Variants in PTPN14 observed in about 807,000 individuals in gnomAD.
The protein encoded by PTPN14 is protein tyrosine phosphatase non-receptor type 14, also known as tyrosine-protein phosphatase non-receptor type 14.
Under a neutral mutation model 126.8 loss-of-function variants are expected in PTPN14, and 53 were observed. The ratio of observed to expected loss-of-function variants is 0.42; its 90% CI spans 0.34 to 0.53. The LOEUF is 0.53. PTPN14 is among the 20% of genes least tolerant of loss of function. The pLI is 0.08. For synonymous variants in PTPN14, 630 were observed against 599.3 expected, an observed-to-expected ratio of 1.05 and a Z score of -0.75; for missense variants, 1,257 against 1,552.9, an observed-to-expected ratio of 0.81 and a Z score of 3.20.
At chr1:214,398,724 T>A (rs1658946608) in intron 7 of PTPN14, among the ~76,000 whole-genome samples, 1 of 150,330 alleles carries the variant, frequency 6.7e-6, no homozygotes, top group Non-Finnish European at 1.5e-5. Flanking sequence ...TGAGCCACTG[T>A]GCCCGGCAAC....
intron 1 of PTPN14, among the ~76,000 whole-genome samples, chr1:214,536,536 G>T (rs1655713081): frequency 6.6e-6 from 1 of 152,066 alleles, no homozygotes; most frequent in Non-Finnish European, 1.5e-5. Context: ...TATAATCCCA[G>T]CACTTTGGGA....
rs1656115106 is a variant in PTPN14 at position 214,551,557 on chromosome 1, G to A, written c.-529C>T. 6.6e-6 allele frequency: 1 copy of A among 152,386 alleles called. No homozygotes were observed. Among genetic ancestry groups the A allele is most frequent in the Non-Finnish European group, 1.5e-5 (1 of 68,202 alleles). The allele number at this position is 152,386 out of a possible 1,614,324, so 9.4% of individuals were successfully genotyped here. On this transcript the variant is annotated 5_prime_UTR_variant, in exon 1 of 19. Transcript: ENST00000366956. ...CGGAGAAGCACAGCAACCTGCCCCC[G>A]AGTCTGCGCCCGCTGCGCTCACTCC... is the stretch of plus-strand genomic sequence containing the variant.
chr1:214,362,986 C>T (rs540548550), intron 18 of PTPN14, among the ~76,000 whole-genome samples: 1 of 152,264 alleles, frequency 6.6e-6, no homozygotes, highest in East Asian at 1.9e-4. Flanking sequence ...TTTTGTCTTC[C>T]TAGCAATGGA....
intron 2 of PTPN14, among the ~76,000 whole-genome samples, chr1:214,456,554 G>A (rs1350691135): frequency 2.0e-5 from 3 of 152,100 alleles, no homozygotes; most frequent in Non-Finnish European, 4.4e-5. Flanking sequence ...ATTAACAACT[G>A]CACCCTCTTC....
intron 17 of PTPN14, among the ~76,000 whole-genome samples, chr1:214,366,044 A>G (rs2102512634): frequency 6.6e-6 from 1 of 152,258 alleles, no homozygotes; most frequent in Admixed American, 6.5e-5. Context: ...ACGAGCCTGT[A>G]ATCCCAGCTA....
At chr1:214,435,361 A>G (rs4655345) in intron 3 of PTPN14, among the ~76,000 whole-genome samples, 67,756 of 151,946 alleles carry the variant, frequency 0.45, 15,468 homozygotes, top group African/African-American at 0.53. Flanking sequence ...AAAGCTTTAA[A>G]TGAAGTTCTA....
intron 18 of PTPN14, among the ~76,000 whole-genome samples, chr1:214,362,021 A>T (rs771506271): frequency 1.3e-5 from 2 of 152,266 alleles, no homozygotes; most frequent in Non-Finnish European, 2.9e-5. Flanking sequence ...AATATAAAGT[A>T]TGCTAAATCC....
At chr1:214,445,192 G>A (rs927949507) in intron 3 of PTPN14, among the ~76,000 whole-genome samples, 1 of 152,220 alleles carries the variant, frequency 6.6e-6, no homozygotes, top group African/African-American at 2.4e-5. Context: ...GATCCTAAGA[G>A]TAGGGGATAC....
At chr1:214,360,025 AC>A (rs1187711365) in intron 18 of PTPN14, among the ~76,000 whole-genome samples, 3 of 152,282 alleles carry the variant, frequency 2.0e-5, no homozygotes, top group Non-Finnish European at 2.9e-5. Context: ...CAGGACACAT[AC>A]GGCTGGAGCA....
At position 214,380,556 on chromosome 1, in the gene PTPN14, C is replaced by T. The variant is rs546944189; in HGVS notation, c.2545-2454G>A. Among the ~76,000 whole-genome samples, 196 of 152,288 alleles carry T rather than the reference C, an allele frequency of 1.3e-3. 2 individuals carry two copies. Among genetic ancestry groups the T allele is most frequent in the Middle Eastern group, 3.4e-3 (1 of 294 alleles). The stretch of plus-strand genomic sequence containing the variant: ...GAGCCAGAATGAGAAGCTATAAAAG[C>T]GGCGGAACCATCCATCAAACAGACA... On this transcript the variant is annotated intron_variant, in intron 13 of 18. Coordinates refer to ENST00000366956, the MANE Select transcript of PTPN14 (RefSeq NM_005401.5).
intron 1 of PTPN14, among the ~76,000 whole-genome samples, chr1:214,486,282 A>T (rs1397440640): frequency 1.1e-4 from 16 of 152,220 alleles, no homozygotes; most frequent in Admixed American, 1.0e-3. Flanking sequence ...TAGAGGCATT[A>T]TCCTCAGTCT....
At chr1:214,379,414 A>G (rs553204077) in intron 13 of PTPN14, among the ~76,000 whole-genome samples, 2 of 152,260 alleles carry the variant, frequency 1.3e-5, no homozygotes, top group South Asian at 4.1e-4. Flanking sequence ...AATGTCACCT[A>G]CAATCAGAAT....
intron 16 of PTPN14, chr1:214,372,306 A>G: frequency 7.8e-6 from 1 of 128,760 alleles, no homozygotes; most frequent in Non-Finnish European, 1.5e-5. Flanking sequence ...GGGTGCCTGG[A>G]GTTGGGCGTC....
rs192846484 is a variant in PTPN14, at chr1:214,430,488, T to C, written c.345-15762A>G. ...GATGAGATTAACACATTTAAATCAG[T>C]AGACTTTGAGTAAAGCAGAATGCTT... is the stretch of plus-strand genomic sequence containing the variant. On this transcript the variant is annotated intron_variant, in intron 3 of 18. Transcript: ENST00000366956. Among the ~76,000 whole-genome samples, 27 of 152,324 alleles carry C rather than the reference T, an allele frequency of 1.8e-4. No individual in the cohort carries two copies. In the East Asian group the frequency reaches 5.0e-3, roughly 28 times the overall value.
At chr1:214,393,904 G>C (rs1658817814) in intron 9 of PTPN14, 127 bp from the exon 10 acceptor site, 1 of 738,848 alleles carries the variant, frequency 1.4e-6, no homozygotes, top group Admixed American at 2.5e-5. Context: ...ATAATACATG[G>C]GCCAGCAAGG....
At chr1:214,372,109 T>C (rs1369962298) in intron 16 of PTPN14, 1 of 152,412 alleles carries the variant, frequency 6.6e-6, no homozygotes, top group East Asian at 1.9e-4. Flanking sequence ...ACCGACTGGA[T>C]TGACTGGCAG....
At chr1:214,393,643 T>G in intron 10 of PTPN14, 52 bp downstream of exon 10, 1 of 1,374,656 alleles carries the variant, frequency 7.3e-7, no homozygotes, top group Non-Finnish European at 1.0e-6. Context: ...AAAAGGACAT[T>G]AATTTAATCT....
At chr1:214,491,326 G>A (rs985115772) in intron 1 of PTPN14, among the ~76,000 whole-genome samples, 4 of 152,152 alleles carry the variant, frequency 2.6e-5, no homozygotes, top group African/African-American at 9.7e-5. Context: ...GCGGCTGTGG[G>A]CTGCCTGTTC....
intron 1 of PTPN14, among the ~76,000 whole-genome samples, chr1:214,481,678 T>C (rs1351980680): frequency 6.6e-6 from 1 of 151,540 alleles, no homozygotes; most frequent in Non-Finnish European, 1.5e-5. Flanking sequence ...AGGATTCCAA[T>C]ACAGACATTA....
Sources: gnomAD v4.1 joint callset for allele counts (sites outside exome capture counted in the v4.1 genomes callset) on GRCh38, gnomAD v4.1.1 for gene constraint, MANE v1.5 for transcripts, NCBI Gene and HGNC (gene_info 2026-07-23, HGNC 2026-07-21) for gene names.